The following SMG5 variants were observed in gnomAD, a reference collection of about 807,000 sequenced individuals.
The protein encoded by SMG5 is SMG5 nonsense mediated mRNA decay factor, also known as nonsense-mediated mRNA decay factor SMG5.
SMG5 carries 53 observed loss-of-function variants against 122.9 expected under a neutral mutation model. The observed-to-expected ratio is 0.43, with a 90% CI of 0.35 to 0.54. The LOEUF (loss-of-function observed/expected upper bound fraction) is 0.54. Ranked by LOEUF, SMG5 falls within the 20% of genes least tolerant of loss-of-function variation. The pLI, the probability that SMG5 is intolerant of heterozygous loss-of-function variation, is 0.01. For synonymous variants in SMG5, 477 were observed against 490.2 expected, an observed-to-expected ratio of 0.97 and a Z score of 0.35; for missense variants, 1,153 against 1,285.6, an observed-to-expected ratio of 0.90 and a Z score of 1.58.
intron 1 of SMG5, among the ~76,000 whole-genome samples, chr1:156,280,629 T>G (rs1160945910): frequency 1.3e-5 from 2 of 152,330 alleles, no homozygotes. Flanking sequence ...AAAGAGCTAA[T>G]GGGAGTGTAT....
chr1:156,273,547 G>A (rs1662535897), intron 5 of SMG5, 97 bp from the exon 6 acceptor site: 1 of 1,168,734 alleles, frequency 8.6e-7, no homozygotes, highest in Non-Finnish European at 1.2e-6. Context: ...GGTAACAAGA[G>A]CCTGGAAGGA....
chr1:156,267,327 C>T, intron 10 of SMG5, 143 bp downstream of exon 10: 1 of 762,096 alleles, frequency 1.3e-6, no homozygotes, highest in African/African-American at 1.7e-5. Context: ...ATCCCTTGGC[C>T]CTTACTTGCC....
At position 156,275,127 on chromosome 1, in the gene SMG5, CAATTAAAAAAAA is replaced by C. The variant is rs537641147; in HGVS notation, c.455-453_455-442del. On this transcript the variant is annotated intron_variant, in intron 4 of 21. Transcript: ENST00000361813. ...CCCAAGAATGAAATGTGAATGACGC[CAATTAAAAAAAA>C]AAAAAAAAAAAGCAAAAACAACGAC... Among the ~76,000 whole-genome samples, 208 of 62,390 alleles carry C rather than the reference CAATTAAAAAAAA, an allele frequency of 3.3e-3. 1 individual carries two copies. The highest frequency in any genetic ancestry group is 9.3e-3 in the African/African-American group (187 of 20,202). 40.9% of individuals were successfully genotyped at this position (62,390 alleles called of 152,430 possible).
chr1:156,257,159 T>A (rs6699349), intron 16 of SMG5, among the ~76,000 whole-genome samples: 35,402 of 151,962 alleles, frequency 0.23, 4,357 homozygotes, highest in Admixed American at 0.33. Context: ...ACTCCTGACT[T>A]CAAGTGATCC....
At position 156,250,169 on chromosome 1, in the gene SMG5, A is replaced by G. The variant is rs564700342; in HGVS notation, c.*418T>C. The G allele has an allele frequency of 2.8e-6, 1 of 354,724 alleles. No individual in the cohort carries two copies. Among genetic ancestry groups the G allele is most frequent in the South Asian group, 2.1e-5 (1 of 47,380 alleles). The allele number at this position is 354,724 out of a possible 1,614,324, so 22.0% of individuals were successfully genotyped here. A position where few individuals can be genotyped will look rare whatever the true frequency, so the allele number is the denominator to read the frequency against. On this transcript the variant is annotated 3_prime_UTR_variant, in exon 22 of 22. Transcript: ENST00000361813. ...TTACCCAGCTCTTCCCCCAAGACCT[A>G]GAGGGTCCAAACTCCTGGCCCCAAC...
chr1:156,285,219 GC>G (rs1158116228), upstream of SMG5: 4 of 1,524,240 alleles, frequency 2.6e-6, no homozygotes, highest in Non-Finnish European at 2.6e-6. Flanking sequence ...CAGAACTGAG[GC>G]CCCAGGATGA....
chr1:156,277,445 C>G (rs1662733498), intron 3 of SMG5, among the ~76,000 whole-genome samples: 1 of 151,942 alleles, frequency 6.6e-6, no homozygotes, highest in Admixed American at 6.6e-5. Context: ...CTAATTACAT[C>G]TGACTCTCTT....
chr1:156,265,978 T>C lies in SMG5; in HGVS notation c.1658A>G (p.Asn553Ser), dbSNP rs151295845. The part of the protein sequence containing the change: ...RGRSEAPDSL[N>S]GPLGPSEASI... ...AGCCTCACTGGGGCCCAGTGGGCCATTGAGGGAATCGGGAGCCTCTGATCT... is the reference window on the plus strand; with the variant it reads ...AGCCTCACTGGGGCCCAGTGGGCCACTGAGGGAATCGGGAGCCTCTGATCT... Residue 553 changes from asparagine (N) to serine (S), a missense_variant, in exon 12 of 22, where the codon AAT becomes AGT. This residue lies in a region of SMG5 where 631 missense variants were observed against 650.6 expected (regional missense o/e 0.97). Transcript: ENST00000361813. 146 of 1,614,182 alleles carry C rather than the reference T, an allele frequency of 9.0e-5. No individual in the cohort carries two copies. The highest frequency in any genetic ancestry group is 6.5e-4 in the East Asian group (29 of 44,880).
intron 5 of SMG5, 134 bp downstream of exon 5, chr1:156,274,463 G>C: frequency 1.4e-6 from 1 of 733,720 alleles, no homozygotes; most frequent in Non-Finnish European, 2.4e-6. Context: ...GAAACAGATG[G>C]GAGGGAAAAA....
At chr1:156,269,995 G>A (rs1394884007) in intron 7 of SMG5, among the ~76,000 whole-genome samples, 2 of 152,156 alleles carry the variant, frequency 1.3e-5, no homozygotes, top group African/African-American at 4.8e-5. Context: ...AGCCGAGATC[G>A]CGCCATTGCA....
rs746075687 is a variant in SMG5 at position 156,250,641 on chromosome 1, A to C, written c.2997T>G (p.Ser999Arg). ...QAALQAAAHA[S>R]VDIKNVLDFY... ...AGTCCAGAACATTCTTGATGTCCAC[A>C]CTGGCGTGGGCAGCGGCCTGCAGGG... Residue 999 changes from serine (S) to arginine (R), a missense_variant, in exon 22 of 22, where the codon AGT (serine) becomes AGG (arginine). Physicochemically the swap from Ser to Arg is moderately radical, Grantham distance 110. This residue lies in a region of SMG5 where 84 missense variants were observed against 82.3 expected (regional missense o/e 1.02). Coordinates refer to ENST00000361813, the MANE Select transcript of SMG5 (RefSeq NM_015327.3). 3 of 1,614,152 alleles carry C rather than the reference A, an allele frequency of 1.9e-6. No homozygotes were observed. The highest frequency in any genetic ancestry group is 2.5e-6 in the Non-Finnish European group (3 of 1,180,028).
At chr1:156,255,004 C>T (rs10908492) in intron 16 of SMG5, among the ~76,000 whole-genome samples, 72,868 of 151,502 alleles carry the variant, frequency 0.48, 17,793 homozygotes, top group Admixed American at 0.59. Context: ...GCAGGGAAAA[C>T]TGCTTGAACC....
intron 10 of SMG5, 66 bp downstream of exon 10, chr1:156,267,404 G>A: frequency 1.3e-6 from 2 of 1,488,486 alleles, no homozygotes; most frequent in East Asian, 2.3e-5. Context: ...ATAAGGAGCT[G>A]CAGAAAAGGG....
chr1:156,268,858 T>C (rs1049239407), intron 7 of SMG5, among the ~76,000 whole-genome samples: 1 of 152,194 alleles, frequency 6.6e-6, no homozygotes, highest in African/African-American at 2.4e-5. Flanking sequence ...TGTCAGGCAA[T>C]GTACCCTAAT....
intron 12 of SMG5, among the ~76,000 whole-genome samples, chr1:156,264,526 C>T (rs1291906895): frequency 6.6e-6 from 1 of 152,168 alleles, no homozygotes; most frequent in Admixed American, 6.5e-5. Flanking sequence ...GACAAATCAA[C>T]AGTCAACCTC....
At chr1:156,287,273 G>A (rs188067971), upstream of SMG5, among the ~76,000 whole-genome samples, 97 of 152,148 alleles carry the variant, frequency 6.4e-4, no homozygotes, top group African/African-American at 1.5e-3. Context: ...AAAATTAGCC[G>A]GGTGTGGTGG....
chr1:156,251,080 C>A, intron 20 of SMG5, 84 bp from the exon 21 acceptor site: 1 of 1,544,358 alleles, frequency 6.5e-7, no homozygotes. Flanking sequence ...GGGACAGGGG[C>A]AGCTGGGGGC....
intron 3 of SMG5, 65 bp downstream of exon 3, chr1:156,277,860 G>A (rs1300307091): frequency 4.4e-6 from 7 of 1,597,976 alleles, no homozygotes; most frequent in Admixed American, 3.4e-5. Context: ...CATGTTCTGC[G>A]CCCACTTTCC....
chr1:156,261,516 T>A, intron 13 of SMG5, 108 bp from the exon 14 acceptor site: 2 of 816,254 alleles, frequency 2.5e-6, no homozygotes, highest in Non-Finnish European at 2.0e-6. Context: ...TTCAGAGGCC[T>A]GTGGGGGTTT....
Sources: allele counts gnomAD v4.1 joint callset (sites outside exome capture counted in the v4.1 genomes callset), GRCh38; gene constraint gnomAD v4.1.1; regional missense constraint gnomAD v4.1.1; transcripts MANE v1.5; gene names NCBI Gene and HGNC (gene_info 2026-07-23, HGNC 2026-07-21).